Variants in RERE observed in about 807,000 individuals in gnomAD.
The protein encoded by RERE is arginine-glutamic acid dipeptide repeats, also known as arginine-glutamic acid dipeptide repeats protein.
RERE carries 40 observed loss-of-function variants against 146.1 expected under a neutral mutation model. That is an observed-to-expected ratio of 0.27 (90% CI 0.21 to 0.36). The LOEUF (loss-of-function observed/expected upper bound fraction) is 0.36, where lower values mean the gene tolerates loss of function less well. RERE is among the 10% of genes least tolerant of loss of function. The pLI is 1.00. For synonymous variants in RERE, 1,003 were observed against 866.0 expected, an observed-to-expected ratio of 1.16 and a Z score of -2.78; for missense variants, 1,933 against 2,138.7, an observed-to-expected ratio of 0.90 and a Z score of 1.90.
Position 8,360,903 on chromosome 1 carries a change from G to T in RERE, c.2604C>A (p.Pro868=). The change falls in exon 18 of 23, where the codon CCC becomes CCA. Residue 868 remains proline (P), a synonymous_variant. Transcript: ENST00000400908. ...GGGGAGGGAGGCCAAAGGGCTGTGGGGGGCCTGGGTGCTGCAGCAGGGGCC... is the reference window on the plus strand; with the variant it reads ...GGGGAGGGAGGCCAAAGGGCTGTGGTGGGCCTGGGTGCTGCAGCAGGGGCC... The part of the protein sequence containing the change: ...QAGPLLQHPG[P]PQPFGLPPQA... 1 of 1,500,450 alleles carries T rather than the reference G, an allele frequency of 6.7e-7. No individual in the cohort carries two copies. The highest frequency in any genetic ancestry group is 8.8e-7 in the Non-Finnish European group (1 of 1,131,220). The allele number at this position is 1,500,450 out of a possible 1,614,324, so 92.9% of individuals were successfully genotyped here.
At chr1:8,531,990 T>C (rs1645659916) in intron 7 of RERE, among the ~76,000 whole-genome samples, 1 of 152,250 alleles carries the variant, frequency 6.6e-6, no homozygotes, top group Non-Finnish European at 1.5e-5. Context: ...CATTTTACCA[T>C]GATGTGTCTA....
intron 4 of RERE, among the ~76,000 whole-genome samples, chr1:8,570,566 C>T (rs986808595): frequency 2.6e-5 from 4 of 152,128 alleles, no homozygotes; most frequent in Admixed American, 6.5e-5. Flanking sequence ...CTTCTGTATT[C>T]AATCTGTTGA....
intron 4 of RERE, among the ~76,000 whole-genome samples, chr1:8,588,832 T>C (rs1570475130): frequency 2.0e-5 from 3 of 152,100 alleles, no homozygotes; most frequent in Non-Finnish European, 2.9e-5. Context: ...CTTAAGAAAC[T>C]ACTGACTGAG....
chr1:8,739,901 C>A (rs1640274928), intron 1 of RERE, among the ~76,000 whole-genome samples: 1 of 150,978 alleles, frequency 6.6e-6, no homozygotes, highest in African/African-American at 2.4e-5. Flanking sequence ...TAGTGTTAAT[C>A]CCCCCGTCCA....
intron 1 of RERE, chr1:8,786,446 G>C: frequency 1.1e-6 from 1 of 905,184 alleles, no homozygotes. Flanking sequence ...AAAGCAATTT[G>C]TTTATTCATC....
intron 2 of RERE, among the ~76,000 whole-genome samples, chr1:8,635,414 C>T (rs1265109862): frequency 6.6e-6 from 1 of 152,180 alleles, no homozygotes; most frequent in Admixed American, 6.5e-5. Context: ...TATCTAAATG[C>T]TTCTTGATTC....
chr1:8,726,635 T>G (rs1385043253), intron 1 of RERE, among the ~76,000 whole-genome samples: 1 of 152,188 alleles, frequency 6.6e-6, no homozygotes, highest in Non-Finnish European at 1.5e-5. Context: ...ACCTGGTATA[T>G]TTTTCCAAAG....
chr1:8,684,373 T>C (rs1639039071), intron 1 of RERE, among the ~76,000 whole-genome samples: 2 of 151,962 alleles, frequency 1.3e-5, no homozygotes, highest in African/African-American at 4.8e-5. Flanking sequence ...GCCACTGTCA[T>C]AAAAGAAGAA....
chr1:8,536,004 G>A (rs1302649595), intron 7 of RERE, among the ~76,000 whole-genome samples: 2 of 151,608 alleles, frequency 1.3e-5, no homozygotes, highest in Non-Finnish European at 2.9e-5. Context: ...TACTTGGGAG[G>A]CTGAGGCAGG....
chr1:8,706,710 T>G (rs1027679745), intron 1 of RERE, among the ~76,000 whole-genome samples: 1 of 152,200 alleles, frequency 6.6e-6, no homozygotes, highest in Non-Finnish European at 1.5e-5. Context: ...TATTTTCAGG[T>G]TTTTTTCTCT....
At chr1:8,357,180 C>T (rs1641329800) in intron 20 of RERE, among the ~76,000 whole-genome samples, 1 of 152,248 alleles carries the variant, frequency 6.6e-6, no homozygotes, top group South Asian at 2.1e-4. Context: ...AGGGGTTCTG[C>T]CAGCACCTAC....
rs958197358 is a variant in RERE at position 8,373,163 on chromosome 1, A to G, written c.1285-7189T>C. ...CGCAGAGTCTTAGAAGTAAGCATTT[A>G]GAAGAAATCATTTTAATTCTTTAAG... On this transcript the variant is annotated intron_variant, in intron 12 of 22. Transcript: ENST00000400908. 2.0e-5 allele frequency among the ~76,000 whole-genome samples: 3 copies of G among 152,352 alleles called. No individual in the cohort carries two copies. In the South Asian group the frequency reaches 6.2e-4, roughly 32 times the overall value.
At chr1:8,629,159 T>C (rs539557212) in intron 2 of RERE, among the ~76,000 whole-genome samples, 2 of 152,292 alleles carry the variant, frequency 1.3e-5, no homozygotes, top group Non-Finnish European at 2.9e-5. Flanking sequence ...TTACCATCAA[T>C]ATCAATTAGT....
chr1:8,660,897 A>G (rs1468222411), intron 1 of RERE, among the ~76,000 whole-genome samples: 1 of 152,256 alleles, frequency 6.6e-6, no homozygotes, highest in Non-Finnish European at 1.5e-5. Flanking sequence ...TCAGCTACTC[A>G]GTGAACAAAT....
intron 4 of RERE, among the ~76,000 whole-genome samples, chr1:8,573,332 AAT>A (rs772236917): frequency 7.9e-5 from 12 of 151,764 alleles, no homozygotes; most frequent in Non-Finnish European, 1.3e-4. Context: ...GCTTTTACTT[AAT>A]ATATATATAT....
Position 8,365,861 on chromosome 1 carries a change from G to A in RERE, c.1398C>T (p.Thr466=), listed in dbSNP as rs139017986. The A allele has an allele frequency of 1.6e-4, 257 of 1,614,086 alleles. 1 individual carries two copies. Among genetic ancestry groups the A allele is most frequent in the Middle Eastern group, 6.6e-4 (4 of 6,058 alleles). The part of the protein sequence containing the change: ...QAVFRRIKTR[T]ASTPVNTPSR... ...AGGGTGTGTTGACGGGTGTGGACGC[G>A]GTGCGAGTCTTAATCCTCCTGAACA... is the stretch of plus-strand genomic sequence containing the variant. Residue 466 remains threonine (T), a synonymous_variant, in exon 13 of 23, where the codon ACC becomes ACT. Coordinates refer to ENST00000400908, the MANE Select transcript of RERE (RefSeq NM_001042681.2).
intron 13 of RERE, 123 bp downstream of exon 13, chr1:8,365,689 G>T: frequency 9.2e-7 from 1 of 1,088,398 alleles, no homozygotes; most frequent in Non-Finnish European, 1.3e-6. Flanking sequence ...CACATGCACT[G>T]GAGCACGGGT....
chr1:8,799,718 A>G (rs1048994436), intron 1 of RERE, among the ~76,000 whole-genome samples: 1 of 151,678 alleles, frequency 6.6e-6, no homozygotes, highest in Admixed American at 6.6e-5. Context: ...AAATTCGTAA[A>G]CTTTCTTAAA....
chr1:8,785,768 C>T (rs1200166836), intron 1 of RERE, among the ~76,000 whole-genome samples: 1 of 152,090 alleles, frequency 6.6e-6, no homozygotes, highest in Admixed American at 6.6e-5. Flanking sequence ...ATTACAGGTG[C>T]CAACCACCAC....
Sources: gnomAD v4.1 joint callset for allele counts (sites outside exome capture counted in the v4.1 genomes callset) on GRCh38, gnomAD v4.1.1 for gene constraint, MANE v1.5 for transcripts, NCBI Gene and HGNC (gene_info 2026-07-23, HGNC 2026-07-21) for gene names.